MAP2K4: variants seen among roughly 807,000 people sequenced by gnomAD.
The protein encoded by MAP2K4 is mitogen-activated protein kinase kinase 4.
In MAP2K4, 4 loss-of-function variants were observed where a neutral mutation model predicts 48.5. The ratio of observed to expected loss-of-function variants is 0.08; its 90% confidence interval spans 0.04 to 0.19. The LOEUF is 0.19. MAP2K4 is among the 10% of genes least tolerant of loss of function. The pLI is 1.00. For synonymous variants in MAP2K4, 166 were observed against 173.1 expected, an observed-to-expected ratio of 0.96 and a Z score of 0.32; for missense variants, 258 against 493.3, an observed-to-expected ratio of 0.52 and a Z score of 4.52.
intron 2 of MAP2K4, among the ~76,000 whole-genome samples, chr17:12,072,039 C>T (rs1970829495): frequency 6.6e-6 from 1 of 152,104 alleles, no homozygotes; most frequent in African/African-American, 2.4e-5. Flanking sequence ...CAAGGGATTC[C>T]AATGTAGACG....
At chr17:12,049,450 T>C (rs1208805306) in intron 1 of MAP2K4, among the ~76,000 whole-genome samples, 1 of 152,244 alleles carries the variant, frequency 6.6e-6, no homozygotes, top group Non-Finnish European at 1.5e-5. Context: ...CGCATGTGAG[T>C]AGTTGACTTG....
intron 10 of MAP2K4, among the ~76,000 whole-genome samples, chr17:12,140,894 G>A (rs980338767): frequency 1.3e-5 from 2 of 152,134 alleles, no homozygotes; most frequent in African/African-American, 2.4e-5. Context: ...ATACAGATGA[G>A]TTTCCAGACC....
rs1481152731 is a variant in MAP2K4, at chr17:12,143,076, T to TC, written c.*1821dup. 2.1e-5 allele frequency: 5 copies of TC among 232,782 alleles called. No homozygotes were observed. Among genetic ancestry groups the TC allele is most frequent in the African/African-American group, 8.8e-5 (4 of 45,304 alleles). The allele number at this position is 232,782 out of a possible 1,614,324, so 14.4% of individuals were successfully genotyped here. Reference sequence around the variant, plus strand: ...CTACTTGCCTCATTTCCCTATCTTCTCCCCCACGGTATCCTAAACTTTAGA... The same window carrying TC: ...CTACTTGCCTCATTTCCCTATCTTCTCCCCCCACGGTATCCTAAACTTTAGA... On this transcript the variant is annotated 3_prime_UTR_variant, in exon 11 of 11. Transcript: ENST00000353533.
In MAP2K4 at chr17:12,052,430, CTG is replaced by C. The variant is rs557604710; in HGVS notation, c.116-2455_116-2454del. On this transcript the variant is annotated intron_variant, in intron 1 of 10. Transcript: ENST00000353533. ...GAATGCAATGCTGAAAAAAATCTCT[CTG>C]TGTATTCAGTATAAATACTTATATT... is the stretch of plus-strand genomic sequence containing the variant. Among the ~76,000 whole-genome samples the C allele has an allele frequency of 6.6e-4, 101 of 152,230 alleles. No individual in the cohort carries two copies. The South Asian group carries it at 0.013, about 20-fold the overall frequency.
chr17:12,055,880 T>C (rs186741825), intron 2 of MAP2K4, among the ~76,000 whole-genome samples: 2 of 152,194 alleles, frequency 1.3e-5, no homozygotes, highest in East Asian at 3.9e-4. Context: ...ATATTTTAAA[T>C]AAAAAGTGTA....
chr17:12,090,879 C>T (rs894433032), intron 3 of MAP2K4, among the ~76,000 whole-genome samples: 5 of 152,126 alleles, frequency 3.3e-5, no homozygotes, highest in African/African-American at 9.7e-5. Flanking sequence ...TTTATTCGTT[C>T]CTCTTGTCCC....
At chr17:12,076,244 G>A (rs1482730051) in intron 2 of MAP2K4, among the ~76,000 whole-genome samples, 1 of 150,858 alleles carries the variant, frequency 6.6e-6, no homozygotes, top group Non-Finnish European at 1.5e-5. Context: ...TCAGTGTCCA[G>A]TCTGATTAAT....
intron 3 of MAP2K4, among the ~76,000 whole-genome samples, chr17:12,095,177 A>G (rs1169733516): frequency 6.6e-6 from 1 of 152,196 alleles, no homozygotes; most frequent in African/African-American, 2.4e-5. Flanking sequence ...GATTGCATAC[A>G]ATTTTGAAAC....
At chr17:12,097,423 A>G (rs915793648) in intron 4 of MAP2K4, among the ~76,000 whole-genome samples, 5 of 152,266 alleles carry the variant, frequency 3.3e-5, no homozygotes, top group African/African-American at 1.2e-4. Context: ...TGGGCTAGAT[A>G]GTGTGGGAAT....
intron 2 of MAP2K4, among the ~76,000 whole-genome samples, chr17:12,069,478 T>A (rs1187128075): frequency 1.3e-5 from 2 of 152,176 alleles, no homozygotes; most frequent in Admixed American, 1.3e-4. Flanking sequence ...TCTGTGGTGA[T>A]AAAACATTTC....
At chr17:12,113,708 A>G (rs958624621) in intron 7 of MAP2K4, among the ~76,000 whole-genome samples, 1 of 152,208 alleles carries the variant, frequency 6.6e-6, no homozygotes, top group Non-Finnish European at 1.5e-5. Flanking sequence ...CCTTGAGTTC[A>G]TTAGCAGAAT....
intron 9 of MAP2K4, among the ~76,000 whole-genome samples, chr17:12,131,758 C>A (rs1351358018): frequency 6.6e-6 from 1 of 152,032 alleles, no homozygotes; most frequent in African/African-American, 2.4e-5. Flanking sequence ...AAATTAAGAA[C>A]TTCCATTGAT....
At chr17:12,064,493 A>G (rs1035623014) in intron 2 of MAP2K4, among the ~76,000 whole-genome samples, 11 of 152,248 alleles carry the variant, frequency 7.2e-5, no homozygotes, top group African/African-American at 2.4e-4. Flanking sequence ...ATTAGTAATA[A>G]GAGAAATGCA....
intron 3 of MAP2K4, among the ~76,000 whole-genome samples, chr17:12,088,833 G>A (rs1224916689): frequency 6.6e-6 from 1 of 150,438 alleles, no homozygotes; most frequent in South Asian, 2.1e-4. Context: ...TTTGCTTCTT[G>A]TCTTGGGTGT....
At chr17:12,137,327 G>A (rs117881048) in intron 9 of MAP2K4, among the ~76,000 whole-genome samples, 1 of 152,274 alleles carries the variant, frequency 6.6e-6, no homozygotes, top group East Asian at 1.9e-4. Flanking sequence ...ACTTTAAGTT[G>A]AAATAGATTT....
intron 1 of MAP2K4, among the ~76,000 whole-genome samples, chr17:12,035,660 T>C (rs1406919538): frequency 6.6e-6 from 1 of 152,252 alleles, no homozygotes; most frequent in Non-Finnish European, 1.5e-5. Flanking sequence ...TTCAGAATTA[T>C]CAGATAAACT....
chr17:12,050,632 C>T (rs957257962), intron 1 of MAP2K4, among the ~76,000 whole-genome samples: 1 of 152,082 alleles, frequency 6.6e-6, no homozygotes, highest in South Asian at 2.1e-4. Flanking sequence ...GGTTTTTGGC[C>T]AAGATCGAAG....
At chr17:12,103,556 A>G (rs1972009490) in intron 4 of MAP2K4, among the ~76,000 whole-genome samples, 2 of 152,080 alleles carry the variant, frequency 1.3e-5, no homozygotes, top group African/African-American at 2.4e-5. Flanking sequence ...CCCAAATCCT[A>G]TATTGGCATA....
chr17:12,096,863 T>C (rs28923202), intron 4 of MAP2K4, among the ~76,000 whole-genome samples: 90 of 152,334 alleles, frequency 5.9e-4, no homozygotes, highest in African/African-American at 2.1e-3. Flanking sequence ...TTCTGCTTCA[T>C]GACAGAGCCC....
Sources: gnomAD v4.1 joint callset for allele counts (sites outside exome capture counted in the v4.1 genomes callset) on GRCh38, gnomAD v4.1.1 for gene constraint, MANE v1.5 for transcripts, NCBI Gene and HGNC (gene_info 2026-07-23, HGNC 2026-07-21) for gene names.